MAST4: variants seen among roughly 807,000 people sequenced by gnomAD.
The protein encoded by MAST4 is microtubule associated serine/threonine kinase family member 4.
In MAST4, 89 loss-of-function variants were observed where a neutral mutation model predicts 162.7. The observed-to-expected ratio is 0.55, with a 90% CI of 0.46 to 0.65. MAST4 has a LOEUF of 0.65. MAST4 is among the 30% of genes least tolerant of loss of function. The probability of loss-of-function intolerance (pLI) is 0.00; values close to 1 mark genes in which losing one functional copy is unlikely to be tolerated. For missense variants in MAST4, 3,153 were observed against 3,374.0 expected (o/e 0.93, Z 1.62); for synonymous variants, 1,479 against 1,361.1 (o/e 1.09, Z -1.91).
intron 4 of MAST4, among the ~76,000 whole-genome samples, chr5:66,904,819 G>A (rs547661986): frequency 2.7e-5 from 4 of 148,310 alleles, no homozygotes; most frequent in Non-Finnish European, 4.5e-5. Context: ...ATTTGCTACA[G>A]GAGTATATTG....
At chr5:66,832,156 G>A (rs1757649361) in intron 3 of MAST4, among the ~76,000 whole-genome samples, 1 of 151,968 alleles carries the variant, frequency 6.6e-6, no homozygotes. Context: ...GCCATCCTCT[G>A]GTGCTTTGCT....
rs546991119 is a variant in MAST4, at chr5:66,964,809, G to GA, written c.674+64833dup. On this transcript the variant is annotated intron_variant, in intron 4 of 28. Transcript: ENST00000403625. ...AAGAGTGAGACTCCGTCTCAAAAAA[G>GA]AAAAAATCCTGTGGAAGAAAGTAGA... 2.8e-3 allele frequency among the ~76,000 whole-genome samples: 419 copies of GA among 152,170 alleles called. 2 individuals carry two copies. The highest frequency in any genetic ancestry group is 4.2e-3 in the Non-Finnish European group (284 of 67,978).
At chr5:66,980,072 G>C (rs1478216088) in intron 4 of MAST4, among the ~76,000 whole-genome samples, 1 of 152,178 alleles carries the variant, frequency 6.6e-6, no homozygotes, top group Non-Finnish European at 1.5e-5. Context: ...CTACTTGCTG[G>C]ATGCAAAATT....
At chr5:66,843,848 A>C (rs891474079) in intron 3 of MAST4, among the ~76,000 whole-genome samples, 5 of 152,150 alleles carry the variant, frequency 3.3e-5, no homozygotes, top group Admixed American at 6.6e-5. Context: ...TTGGAGCACA[A>C]AGCGGTTGCA....
intron 1 of MAST4, among the ~76,000 whole-genome samples, chr5:66,749,407 C>G (rs533716095): frequency 6.6e-6 from 1 of 152,230 alleles, no homozygotes; most frequent in African/African-American, 2.4e-5. Context: ...ATTCTGTGCT[C>G]TGGAATACAG....
intron 4 of MAST4, among the ~76,000 whole-genome samples, chr5:66,979,630 A>G (rs1300692933): frequency 6.6e-6 from 1 of 152,238 alleles, no homozygotes; most frequent in Non-Finnish European, 1.5e-5. Context: ...GGCTACTGGA[A>G]TTGAATGTCG....
In MAST4 at chr5:66,911,570, CCCCCCGCAA is replaced by C. The variant is rs1167375020; in HGVS notation, c.674+11589_674+11597del. On this transcript the variant is annotated intron_variant, in intron 4 of 28. Transcript: ENST00000403625. ...ACAAACAACAACAACCCCCCCCCCC[CCCCCCGCAA>C]AAAAAAATTAGCTAGGCATGGTGGC... Among the ~76,000 whole-genome samples the C allele has an allele frequency of 9.3e-4, 78 of 84,228 alleles. 3 individuals are homozygous for C. The highest frequency in any genetic ancestry group is 3.5e-3 in the African/African-American group (76 of 21,486). The allele number at this position is 84,228 out of a possible 152,430, so 55.3% of individuals were successfully genotyped here.
At chr5:66,695,930 T>C (rs1749369518) in intron 1 of MAST4, among the ~76,000 whole-genome samples, 1 of 152,110 alleles carries the variant, frequency 6.6e-6, no homozygotes, top group African/African-American at 2.4e-5. Context: ...CTATTCACAA[T>C]AGCAAAGACA....
chr5:66,986,524 T>G, intron 4 of MAST4: 1 of 1,516,970 alleles, frequency 6.6e-7, no homozygotes. Flanking sequence ...CCAAAGCTCA[T>G]ATTGTTTCCT....
intron 3 of MAST4, among the ~76,000 whole-genome samples, chr5:66,806,037 G>C (rs1756168780): frequency 6.6e-6 from 1 of 152,176 alleles, no homozygotes; most frequent in African/African-American, 2.4e-5. Flanking sequence ...CAGTGTCACA[G>C]GAGCCAACTA....
rs1359967597 is a variant in MAST4, at chr5:67,126,276, T to G, written c.1746-3934T>G. Among the ~76,000 whole-genome samples, 5 of 152,320 alleles carry G rather than the reference T, an allele frequency of 3.3e-5. No individual in the cohort carries two copies. The East Asian group carries it at 7.7e-4, about 23-fold the overall frequency. On this transcript the variant is annotated intron_variant, in intron 14 of 28. Transcript: ENST00000403625. ...AGATCCCATTTGTCTATTTTGGCTT[T>G]TGTTGCCATTGCTTTTGGTGTTTTA...
intron 4 of MAST4, among the ~76,000 whole-genome samples, chr5:66,939,098 A>G (rs1021334875): frequency 5.9e-5 from 9 of 152,182 alleles, no homozygotes; most frequent in Non-Finnish European, 1.3e-4. Context: ...ATACATAATT[A>G]ATGTTAACTT....
chr5:66,760,000 A>C, intron 2 of MAST4, 138 bp downstream of exon 2: 1 of 841,586 alleles, frequency 1.2e-6, no homozygotes, highest in Non-Finnish European at 1.6e-6. Flanking sequence ...ATCTTATCTA[A>C]TCCAGAAAGC....
intron 19 of MAST4, among the ~76,000 whole-genome samples, chr5:67,140,847 G>A (rs1275250752): frequency 6.6e-6 from 1 of 152,212 alleles, no homozygotes; most frequent in Non-Finnish European, 1.5e-5. Context: ...TGCTAGAAAT[G>A]TGGAAACCAC....
At chr5:66,733,117 T>C (rs981279875) in intron 1 of MAST4, among the ~76,000 whole-genome samples, 1 of 152,154 alleles carries the variant, frequency 6.6e-6, no homozygotes, top group African/African-American at 2.4e-5. Context: ...GGCAAATCTG[T>C]CCCAACCTTT....
intron 1 of MAST4, among the ~76,000 whole-genome samples, chr5:66,688,339 A>C (rs1748825166): frequency 6.6e-6 from 1 of 152,208 alleles, no homozygotes; most frequent in Non-Finnish European, 1.5e-5. Context: ...CCTGGCAGTC[A>C]TATCTCCTGA....
chr5:66,766,611 G>C (rs932302762), intron 2 of MAST4, among the ~76,000 whole-genome samples: 1 of 151,896 alleles, frequency 6.6e-6, no homozygotes, highest in African/African-American at 2.4e-5. Flanking sequence ...TAATTACTCT[G>C]TAGTACCCAA....
At chr5:66,944,075 C>T (rs990090225) in intron 4 of MAST4, among the ~76,000 whole-genome samples, 6 of 152,150 alleles carry the variant, frequency 3.9e-5, no homozygotes, top group East Asian at 1.9e-4. Flanking sequence ...TAAAACATTT[C>T]GAGGGTATTT....
At chr5:66,961,857 G>C (rs902399765) in intron 4 of MAST4, among the ~76,000 whole-genome samples, 3 of 152,188 alleles carry the variant, frequency 2.0e-5, no homozygotes, top group African/African-American at 7.2e-5. Flanking sequence ...AGTACAGCAT[G>C]TTTAAGAGCA....
Sources: allele counts gnomAD v4.1 joint callset (sites outside exome capture counted in the v4.1 genomes callset), GRCh38; gene constraint gnomAD v4.1.1; transcripts MANE v1.5; gene names NCBI Gene and HGNC (gene_info 2026-07-23, HGNC 2026-07-21).